The following RORA variants were observed in gnomAD, a reference collection of about 807,000 sequenced individuals.
RORA encodes RAR related orphan receptor A.
Under a neutral mutation model 69.5 loss-of-function variants are expected in RORA, and 7 were observed. That is an observed-to-expected ratio of 0.10 (90% CI 0.06 to 0.19). The LOEUF (loss-of-function observed/expected upper bound fraction) is 0.19, where lower values mean the gene tolerates loss of function less well. RORA is among the 10% of genes least tolerant of loss of function. The pLI is 1.00. For missense variants in RORA, 457 were observed against 663.0 expected (o/e 0.69, Z 3.41); for synonymous variants, 261 against 240.8 (o/e 1.08, Z -0.78).
chr15:60,761,400 T>TAGTG (rs1380774488), intron 1 of RORA, among the ~76,000 whole-genome samples: 1 of 152,106 alleles, frequency 6.6e-6, no homozygotes, highest in Non-Finnish European at 1.5e-5. Flanking sequence ...TAGGATCCTG[T>TAGTG]AGTGCCTTAG....
At chr15:60,579,559 CAAAG>C (rs1445727419) in intron 2 of RORA, among the ~76,000 whole-genome samples, 1 of 152,094 alleles carries the variant, frequency 6.6e-6, no homozygotes, top group African/African-American at 2.4e-5. Flanking sequence ...TTTCTCCTAA[CAAAG>C]AAAACTAGCT....
intron 1 of RORA, among the ~76,000 whole-genome samples, chr15:61,180,217 T>C (rs931308533): frequency 6.6e-6 from 1 of 150,968 alleles, no homozygotes; most frequent in African/African-American, 2.4e-5. Flanking sequence ...CAGTTAAGTA[T>C]GACTTAAAGA....
At chr15:61,164,870 A>G (rs1443761339) in intron 1 of RORA, among the ~76,000 whole-genome samples, 9 of 152,192 alleles carry the variant, frequency 5.9e-5, no homozygotes, top group African/African-American at 2.2e-4. Context: ...GCACTTTCCA[A>G]GAAGCACCAC....
intron 1 of RORA, among the ~76,000 whole-genome samples, chr15:60,943,026 C>CT (rs1342638575): frequency 2.0e-5 from 3 of 152,264 alleles, no homozygotes; most frequent in African/African-American, 7.2e-5. Context: ...AGCATGAACT[C>CT]TCCTTTGTAA....
intron 1 of RORA, among the ~76,000 whole-genome samples, chr15:60,936,633 G>A (rs890744005): frequency 2.0e-5 from 3 of 152,240 alleles, no homozygotes; most frequent in Admixed American, 6.5e-5. Flanking sequence ...CACCAGCAAG[G>A]ATGGTTCTGC....
At chr15:61,071,731 A>G (rs2078368665) in intron 1 of RORA, among the ~76,000 whole-genome samples, 1 of 150,798 alleles carries the variant, frequency 6.6e-6, no homozygotes, top group Admixed American at 6.6e-5. Context: ...CATACAAAGG[A>G]ACAGGCTTAT....
chr15:60,661,844 G>A (rs1047423870), intron 2 of RORA, among the ~76,000 whole-genome samples: 1 of 152,158 alleles, frequency 6.6e-6, no homozygotes, highest in Non-Finnish European at 1.5e-5. Context: ...GGTCCCAGAG[G>A]GAACAGGGGT....
chr15:60,717,786 T>C (rs1010209872), intron 1 of RORA, among the ~76,000 whole-genome samples: 118 of 144,438 alleles, frequency 8.2e-4, no homozygotes, highest in African/African-American at 3.0e-3. Context: ...TCTTTCTTTT[T>C]TCTTTTTCTC....
intron 1 of RORA, among the ~76,000 whole-genome samples, chr15:60,754,661 C>T (rs1294637512): frequency 1.3e-5 from 2 of 152,216 alleles, no homozygotes; most frequent in Non-Finnish European, 2.9e-5. Context: ...CCAACATTGA[C>T]ATCCACCTCC....
chr15:61,103,507 G>T (rs1034675580), intron 1 of RORA, among the ~76,000 whole-genome samples: 1 of 152,106 alleles, frequency 6.6e-6, no homozygotes, highest in African/African-American at 2.4e-5. Context: ...TCCCCACATG[G>T]AGCTGACTTT....
intron 1 of RORA, among the ~76,000 whole-genome samples, chr15:60,987,677 C>T (rs775114061): frequency 6.6e-6 from 1 of 152,170 alleles, no homozygotes; most frequent in African/African-American, 2.4e-5. Context: ...AGTGAAGGCA[C>T]CTCACTTCTT....
At chr15:61,195,051 T>C (rs2079834794) in intron 1 of RORA, among the ~76,000 whole-genome samples, 1 of 152,128 alleles carries the variant, frequency 6.6e-6, no homozygotes, top group Non-Finnish European at 1.5e-5. Context: ...CCAATTATGA[T>C]TTTTTTGTGA....
intron 1 of RORA, among the ~76,000 whole-genome samples, chr15:60,710,420 G>A (rs2071127237): frequency 2.0e-5 from 3 of 152,078 alleles, no homozygotes; most frequent in Admixed American, 6.5e-5. Context: ...CCCGAGAGGC[G>A]GAGGTTGCAG....
At chr15:60,523,036 T>TCAAAAAAAACACACA (rs1555426047) in intron 3 of RORA, among the ~76,000 whole-genome samples, 1 of 101,436 alleles carries the variant, frequency 9.9e-6, no homozygotes, top group East Asian at 2.3e-4. Flanking sequence ...AGACTCTGCC[T>TCAAAAAAAACACACA]CAAAAAAAAA....
chr15:60,976,914 T>G (rs752427833), intron 1 of RORA, among the ~76,000 whole-genome samples: 7 of 152,156 alleles, frequency 4.6e-5, no homozygotes, highest in Non-Finnish European at 1.0e-4. Flanking sequence ...AAGTATTTGT[T>G]ATGAGTCTGT....
chr15:60,962,217 G>GGA (rs1893433553), intron 1 of RORA, among the ~76,000 whole-genome samples: 1 of 152,148 alleles, frequency 6.6e-6, no homozygotes, highest in Non-Finnish European at 1.5e-5. Flanking sequence ...CAGAAATTTG[G>GGA]CATTTCCTGT....
intron 1 of RORA, among the ~76,000 whole-genome samples, chr15:61,023,289 T>C (rs1031413901): frequency 8.6e-5 from 13 of 151,624 alleles, no homozygotes; most frequent in African/African-American, 3.1e-4. Context: ...AGAGGTTTAA[T>C]TGGACTTACA....
intron 1 of RORA, among the ~76,000 whole-genome samples, chr15:61,184,428 T>C (rs1350346133): frequency 1.3e-5 from 2 of 152,134 alleles, no homozygotes; most frequent in African/African-American, 4.8e-5. Context: ...AGTCTCTTTC[T>C]CCTTAGAATT....
intron 1 of RORA, among the ~76,000 whole-genome samples, chr15:61,081,453 A>G (rs2078538587): frequency 6.6e-6 from 1 of 152,146 alleles, no homozygotes; most frequent in African/African-American, 2.4e-5. Context: ...TTGAATATAC[A>G]CTGGTCTTAT....
Sources: gnomAD v4.1 joint callset for allele counts (sites outside exome capture counted in the v4.1 genomes callset) on GRCh38, gnomAD v4.1.1 for gene constraint, MANE v1.5 for transcripts, NCBI Gene and HGNC (gene_info 2026-07-23, HGNC 2026-07-21) for gene names.